Variants in DGKD observed in about 807,000 individuals in gnomAD.
The protein encoded by DGKD is diacylglycerol kinase delta, also known as DAG kinase delta.
A neutral mutation model predicts 154.4 loss-of-function variants in DGKD; 68 were observed. The ratio of observed to expected loss-of-function variants is 0.44; its 90% CI spans 0.36 to 0.54. DGKD has a LOEUF of 0.54. Ranked by LOEUF, DGKD falls within the 20% of genes least tolerant of loss-of-function variation. The pLI, the probability that DGKD is intolerant of heterozygous loss-of-function variation, is 0.00. For missense variants in DGKD, 1,343 were observed against 1,593.6 expected (o/e 0.84, Z 2.68); for synonymous variants, 693 against 638.0 (o/e 1.09, Z -1.30).
chr2:233,457,156 G>T lies in DGKD; in HGVS notation c.2473-65G>T. ...CCTGAGCCCCTGGCGGTGGGAAGCT[G>T]GTAGAGAAGGAGGGGCTGACTCATA... On this transcript the variant is annotated intron_variant, in intron 20 of 29. Coordinates refer to ENST00000264057, the MANE Select transcript of DGKD (RefSeq NM_152879.3). The surrounding 1 kb of genome is among the most constrained non-coding windows in gnomAD (Gnocchi z 5.5). 1 of 1,389,660 alleles carries T rather than the reference G, an allele frequency of 7.2e-7. No individual in the cohort carries two copies. 86.1% of individuals were successfully genotyped at this position (1,389,660 alleles called of 1,614,324 possible).
intron 1 of DGKD, among the ~76,000 whole-genome samples, chr2:233,387,635 G>A (rs1236360675): frequency 1.3e-5 from 2 of 152,182 alleles, no homozygotes; most frequent in South Asian, 2.1e-4. Flanking sequence ...GTAAGAGAAC[G>A]TCTTGTGTTG....
Position 233,448,355 on chromosome 2 carries a change from T to C in DGKD, c.1594T>C (p.Ser532Pro). 1 of 1,609,506 alleles carries C rather than the reference T, an allele frequency of 6.2e-7. No individual in the cohort carries two copies. Among genetic ancestry groups the C allele is most frequent in the Non-Finnish European group, 8.5e-7 (1 of 1,178,186 alleles). Residue 532 changes from serine to proline, a missense_variant, in exon 14 of 30, where the codon TCA becomes CCA. By Grantham distance (74) the Ser-to-Pro change is moderately conservative. Around this residue, in one of 6 missense-constraint regions of DGKD, gnomAD observed 409 missense variants for 446.0 expected, o/e 0.92. Transcript: ENST00000264057. ...YEKTTESSEE[S>P]EVMAKKCSVL... The stretch of plus-strand genomic sequence containing the variant: ...GAAGACGACCGAGAGCTCGGAGGAG[T>C]CAGAGGTCATGGCCAAGAAGGTCTG...
intron 1 of DGKD, among the ~76,000 whole-genome samples, chr2:233,365,232 C>CTT (rs200215730): frequency 7.0e-6 from 1 of 143,352 alleles, no homozygotes; most frequent in African/African-American, 2.6e-5. Flanking sequence ...AAGAACGGAA[C>CTT]TTTTTTTTTT....
chr2:233,442,156 G>A (rs1348932766), intron 10 of DGKD, 161 bp downstream of exon 10: 2 of 741,734 alleles, frequency 2.7e-6, no homozygotes, highest in East Asian at 2.7e-5. Context: ...GGGCAGAGAG[G>A]GGAGAGCCTG....
intron 14 of DGKD, among the ~76,000 whole-genome samples, chr2:233,448,720 T>C (rs894709844): frequency 1.3e-5 from 2 of 152,176 alleles, no homozygotes; most frequent in Non-Finnish European, 2.9e-5. Flanking sequence ...GTCTGATTGG[T>C]GGCAGAAAGC....
rs989953821 is a variant in DGKD, at chr2:233,390,453, C to T, written c.318C>T (p.Ser106=). The change falls in exon 3 of 30, where the codon TCC becomes TCT. Residue 106 remains serine (S), a synonymous_variant. Transcript: ENST00000264057. ...TGACAGATGCCAGCGTAGCTGAATCCAGTACCAAAAACGTCAACAACAGTT... is the reference window on the plus strand; with the variant it reads ...TGACAGATGCCAGCGTAGCTGAATCTAGTACCAAAAACGTCAACAACAGTT... ...VDLTDASVAE[S]STKNVNNSFT... The T allele has an allele frequency of 9.9e-6, 16 of 1,614,044 alleles. No homozygotes were observed. Among genetic ancestry groups the T allele is most frequent in the Non-Finnish European group, 1.4e-5 (16 of 1,179,976 alleles).
rs10654014 is a variant in DGKD at position 233,460,485 on chromosome 2, T to TCC, written c.2981+140_2981+141insCC. 4,670 of 1,123,448 alleles carry TCC rather than the reference T, an allele frequency of 4.2e-3. 153 individuals are homozygous for TCC. The African/African-American group carries it at 0.065, about 16-fold the overall frequency. 69.6% of individuals were successfully genotyped at this position (1,123,448 alleles called of 1,614,324 possible). A position where few individuals can be genotyped will look rare whatever the true frequency, so the allele number is the denominator to read the frequency against. Reference sequence around the variant, plus strand: ...ATTACCCATGAGGGCCGAGCCTGTTTATGTGCCCTCAGCTCTGGCTCATTT... The same window carrying TCC: ...ATTACCCATGAGGGCCGAGCCTGTTTCCATGTGCCCTCAGCTCTGGCTCATTT... On this transcript the variant is annotated intron_variant, in intron 24 of 29. Transcript: ENST00000264057.
chr2:233,357,035 G>A (rs924132802), intron 1 of DGKD, among the ~76,000 whole-genome samples: 1 of 152,190 alleles, frequency 6.6e-6, no homozygotes, highest in Non-Finnish European at 1.5e-5. Flanking sequence ...GAGGCAAGCC[G>A]GAGATGAGGC....
At chr2:233,443,914 C>T (rs2062979877) in intron 10 of DGKD, among the ~76,000 whole-genome samples, 1 of 152,198 alleles carries the variant, frequency 6.6e-6, no homozygotes, top group African/African-American at 2.4e-5. Flanking sequence ...CTTCGCTGGG[C>T]CCCTGCCGCC....
chr2:233,453,500 T>A (rs1395558699), intron 18 of DGKD, among the ~76,000 whole-genome samples: 6 of 152,242 alleles, frequency 3.9e-5, no homozygotes, highest in Admixed American at 1.3e-4. Context: ...GGCACTTGAA[T>A]TAGATGGATC....
rs528270975 is a variant in DGKD at position 233,440,525 on chromosome 2, G to A, written c.1086-1362G>A. Reference sequence around the variant, plus strand: ...GGCAGGGTCGCAAGTCAAACTGGGCGTCCTTCCACGTCTCCCCGAGCTGGC... The same window carrying A: ...GGCAGGGTCGCAAGTCAAACTGGGCATCCTTCCACGTCTCCCCGAGCTGGC... On this transcript the variant is annotated intron_variant, in intron 9 of 29. Coordinates refer to ENST00000264057, the MANE Select transcript of DGKD (RefSeq NM_152879.3). This position sits in a 1 kb window ranked among gnomAD's most constrained non-coding sequence, Gnocchi z 4.9. 2.6e-4 allele frequency among the ~76,000 whole-genome samples: 40 copies of A among 152,276 alleles called. No homozygotes were observed. The highest frequency in any genetic ancestry group is 2.4e-3 in the Admixed American group (37 of 15,304).
At position 233,438,165 on chromosome 2, in the gene DGKD, C is replaced by T. The variant is rs1559548296; in HGVS notation, c.923-52C>T. The T allele has an allele frequency of 1.3e-6, 2 of 1,591,054 alleles. No individual in the cohort carries two copies. Among genetic ancestry groups the T allele is most frequent in the Non-Finnish European group, 1.7e-6 (2 of 1,165,770 alleles). ...TGCTGCTGATTCCATCAGTGGTGCC[C>T]TCAGCGTCTTCCGTGGCCTATATAT... On this transcript the variant is annotated intron_variant, in intron 8 of 29. Coordinates refer to ENST00000264057, the MANE Select transcript of DGKD (RefSeq NM_152879.3). The surrounding 1 kb of genome is among the most constrained non-coding windows in gnomAD (Gnocchi z 4.1).
chr2:233,365,101 TAACAC>T (rs1376301331), intron 1 of DGKD, among the ~76,000 whole-genome samples: 4 of 152,264 alleles, frequency 2.6e-5, no homozygotes, highest in African/African-American at 9.6e-5. Context: ...GAAGAAAAAT[TAACAC>T]AATTGTAAGG....
chr2:233,460,033 G>A (rs2063575462), intron 23 of DGKD, 142 bp downstream of exon 23: 1 of 1,450,696 alleles, frequency 6.9e-7, no homozygotes, highest in African/African-American at 1.4e-5. Flanking sequence ...AGCTAATAGG[G>A]CAGTAATTTC....
At chr2:233,377,797 C>G (rs1044083691) in intron 1 of DGKD, among the ~76,000 whole-genome samples, 1 of 151,962 alleles carries the variant, frequency 6.6e-6, no homozygotes, top group Non-Finnish European at 1.5e-5. Context: ...AATGTGTTGC[C>G]TCTTTGGTTT....
rs567355407 is a variant in DGKD, at chr2:233,388,063, C to T, written c.157-194C>T. The T allele has an allele frequency of 2.8e-4, 365 of 1,282,572 alleles. 2 individuals are homozygous for T. The South Asian group carries it at 5.4e-3, about 19-fold the overall frequency. 79.4% of individuals were successfully genotyped at this position (1,282,572 alleles called of 1,614,324 possible). On this transcript the variant is annotated intron_variant, in intron 1 of 29. Coordinates refer to ENST00000264057, the MANE Select transcript of DGKD (RefSeq NM_152879.3). Reference sequence around the variant, plus strand: ...CAGGCACACATTGCCCCTTAGAGGACAGGATTGGTGCAACCCCCCATGCCC... The same window carrying T: ...CAGGCACACATTGCCCCTTAGAGGATAGGATTGGTGCAACCCCCCATGCCC...
At chr2:233,444,276 T>G (rs2125622224) in intron 10 of DGKD, among the ~76,000 whole-genome samples, 1 of 152,262 alleles carries the variant, frequency 6.6e-6, no homozygotes, top group East Asian at 1.9e-4. Context: ...TCCTCCTGCC[T>G]GTTTCTCACT....
At chr2:233,454,553 G>T (rs2063394686) in intron 18 of DGKD, 1 of 551,836 alleles carries the variant, frequency 1.8e-6, no homozygotes, top group South Asian at 1.8e-5. Flanking sequence ...ATCTAGTGAT[G>T]GTTAAATGAC....
intron 3 of DGKD, among the ~76,000 whole-genome samples, chr2:233,420,414 A>G (rs1006828999): frequency 6.6e-6 from 1 of 152,210 alleles, no homozygotes; most frequent in Non-Finnish European, 1.5e-5. Flanking sequence ...AGAAATAAAC[A>G]TAATAGATAT....
Sources: gnomAD v4.1 joint callset for allele counts (sites outside exome capture counted in the v4.1 genomes callset) on GRCh38, gnomAD v4.1.1 for gene constraint, gnomAD v4.1.1 regional missense constraint, Gnocchi (gnomAD v3.1) non-coding constraint, MANE v1.5 for transcripts, NCBI Gene and HGNC (gene_info 2026-07-23, HGNC 2026-07-21) for gene names.